MXI1: variants seen among roughly 807,000 people sequenced by gnomAD.
MXI1 encodes the protein max-interacting protein 1.
In MXI1, 18 loss-of-function variants were observed where a neutral mutation model predicts 36.9. The observed-to-expected ratio is 0.49, with a 90% CI of 0.34 to 0.72. MXI1 has a LOEUF of 0.72. Among genes scored for constraint, MXI1 ranks in the 30% least tolerant of loss-of-function variants. The pLI, the probability that MXI1 is intolerant of heterozygous loss-of-function variation, is 0.01. For synonymous variants in MXI1, 160 were observed against 146.7 expected (o/e 1.09, Z -0.65); for missense variants, 304 against 379.1 (o/e 0.80, Z 1.64).
chr10:110,268,657 G>C (rs1856760771), intron 3 of MXI1, among the ~76,000 whole-genome samples: 1 of 151,988 alleles, frequency 6.6e-6, no homozygotes, highest in Non-Finnish European at 1.5e-5. Flanking sequence ...TGCCTTATCA[G>C]AGGAGGGCAT....
intron 3 of MXI1, among the ~76,000 whole-genome samples, chr10:110,245,176 A>C (rs924432764): frequency 2.0e-5 from 3 of 152,136 alleles, no homozygotes; most frequent in African/African-American, 7.2e-5. Context: ...TAGGATTTCT[A>C]AAGAGTAGGT....
chr10:110,253,948 A>C (rs985989286), intron 3 of MXI1, among the ~76,000 whole-genome samples: 1 of 152,084 alleles, frequency 6.6e-6, no homozygotes, highest in African/African-American at 2.4e-5. Flanking sequence ...AAGGTTGTCA[A>C]CTTTCATGAC....
At chr10:110,228,914 T>C (rs888212290) in intron 2 of MXI1, among the ~76,000 whole-genome samples, 7 of 152,198 alleles carry the variant, frequency 4.6e-5, no homozygotes, top group African/African-American at 9.6e-5. Context: ...TTTAAAAATA[T>C]ACTTGTCTAG....
chr10:110,281,006 C>T (rs1170837012), intron 5 of MXI1, among the ~76,000 whole-genome samples: 1 of 152,178 alleles, frequency 6.6e-6, no homozygotes, highest in African/African-American at 2.4e-5. Flanking sequence ...GAAAGGAGCT[C>T]ATGAGCTCTT....
chr10:110,234,309 A>G (rs1294920789), intron 2 of MXI1, among the ~76,000 whole-genome samples: 1 of 152,178 alleles, frequency 6.6e-6, no homozygotes, highest in East Asian at 1.9e-4. Flanking sequence ...AAGAGGCTTG[A>G]TGGTATGCTT....
chr10:110,265,443 G>A (rs1039542433), intron 3 of MXI1, among the ~76,000 whole-genome samples: 7 of 152,108 alleles, frequency 4.6e-5, no homozygotes, highest in African/African-American at 1.7e-4. Context: ...TTATGCTAAT[G>A]TCTCTTAACA....
intron 3 of MXI1, among the ~76,000 whole-genome samples, chr10:110,276,708 A>G (rs1169539911): frequency 1.3e-5 from 2 of 152,152 alleles, no homozygotes; most frequent in Non-Finnish European, 2.9e-5. Flanking sequence ...TAAAGAGAGA[A>G]AAAATTTTAA....
At chr10:110,217,533 C>T (rs1854683887) in intron 1 of MXI1, among the ~76,000 whole-genome samples, 1 of 152,274 alleles carries the variant, frequency 6.6e-6, no homozygotes, top group South Asian at 2.1e-4. Context: ...CTTACCTCCA[C>T]CACAGCCTGA....
At chr10:110,280,874 C>A (rs1225352197) in intron 5 of MXI1, among the ~76,000 whole-genome samples, 1 of 152,048 alleles carries the variant, frequency 6.6e-6, no homozygotes, top group East Asian at 1.9e-4. Context: ...CAGAAGTCAA[C>A]CAAAAAAGAA....
Position 110,208,074 on chromosome 10 carries a change from A to C in MXI1, c.266A>C (p.Glu89Ala). Residue 89 changes from glutamate to alanine, a missense_variant, in exon 1 of 6, where the codon GAA (glutamate) becomes GCA (alanine). This residue lies in a region of MXI1 where 179 missense variants were observed against 184.8 expected (regional missense o/e 0.97). Transcript: ENST00000332674. ...AASYLEQIEKENKKCEHGYAS... is the reference protein window; with the variant it reads ...AASYLEQIEKANKKCEHGYAS... Reference sequence around the variant, plus strand: ...AGCTACCTGGAGCAGATCGAGAAAGAAAACAAAAGTAAGTTTGGGGGCCCC... The same window carrying C: ...AGCTACCTGGAGCAGATCGAGAAAGCAAACAAAAGTAAGTTTGGGGGCCCC... 6.3e-7 allele frequency: 1 copy of C among 1,590,532 alleles called. No homozygotes were observed.
At position 110,287,065 on chromosome 10, in the gene MXI1, C is replaced by T. The variant is rs149653820; in HGVS notation, c.*2078C>T. On this transcript the variant is annotated 3_prime_UTR_variant, in exon 6 of 6. Coordinates refer to ENST00000332674, the MANE Select transcript of MXI1 (RefSeq NM_130439.3). ...GTGCTACCATACAAAGTGAATGAAG[C>T]CAGTGACTAAGCTTCTGTTTGTTTT... is the stretch of plus-strand genomic sequence containing the variant. 2.0e-5 allele frequency: 3 copies of T among 152,170 alleles called. No homozygotes were observed. Among genetic ancestry groups the T allele is most frequent in the African/African-American group, 7.2e-5 (3 of 41,436 alleles). The allele number at this position is 152,170 out of a possible 1,614,324, so 9.4% of individuals were successfully genotyped here. A position where few individuals can be genotyped will look rare whatever the true frequency, so the allele number is the denominator to read the frequency against.
intron 1 of MXI1, among the ~76,000 whole-genome samples, chr10:110,211,777 C>T (rs1351732972): frequency 1.3e-5 from 2 of 152,176 alleles, no homozygotes; most frequent in East Asian, 3.9e-4. Context: ...CTAGGAAAGG[C>T]AGGTACATTC....
intron 2 of MXI1, among the ~76,000 whole-genome samples, chr10:110,232,503 G>C (rs1378211724): frequency 6.6e-6 from 1 of 152,026 alleles, no homozygotes; most frequent in Admixed American, 6.6e-5. Flanking sequence ...CCTTCATAGT[G>C]TTCATCACAT....
chr10:110,208,969 C>T (rs560001341), intron 1 of MXI1, among the ~76,000 whole-genome samples: 2 of 152,312 alleles, frequency 1.3e-5, no homozygotes, highest in Admixed American at 1.3e-4. Flanking sequence ...GCAAGGCAAA[C>T]GCCTTCCTGG....
intron 3 of MXI1, among the ~76,000 whole-genome samples, chr10:110,277,239 G>A (rs946848295): frequency 3.3e-5 from 5 of 152,132 alleles, no homozygotes; most frequent in Admixed American, 6.5e-5. Flanking sequence ...GTATTCTTGC[G>A]GTAATGTGCT....
intron 1 of MXI1, among the ~76,000 whole-genome samples, chr10:110,223,745 A>G (rs1182076170): frequency 6.6e-6 from 1 of 152,080 alleles, no homozygotes; most frequent in Non-Finnish European, 1.5e-5. Context: ...GTCCAGATCC[A>G]AAATGACCTG....
At chr10:110,266,602 T>C (rs1328575093) in intron 3 of MXI1, among the ~76,000 whole-genome samples, 1 of 152,222 alleles carries the variant, frequency 6.6e-6, no homozygotes, top group East Asian at 1.9e-4. Flanking sequence ...TCCTTAGCCC[T>C]CCATAATTTC....
chr10:110,240,105 G>T (rs538659650), intron 2 of MXI1, among the ~76,000 whole-genome samples: 1 of 152,092 alleles, frequency 6.6e-6, no homozygotes, highest in Non-Finnish European at 1.5e-5. Context: ...AATAGTTGTA[G>T]TTAGTTTATT....
At chr10:110,214,167 C>T (rs1854572842) in intron 1 of MXI1, among the ~76,000 whole-genome samples, 1 of 152,196 alleles carries the variant, frequency 6.6e-6, no homozygotes, top group African/African-American at 2.4e-5. Flanking sequence ...ATTTCACAGC[C>T]AAGGAATGAA....
Sources: allele counts gnomAD v4.1 joint callset (sites outside exome capture counted in the v4.1 genomes callset), GRCh38; gene constraint gnomAD v4.1.1; regional missense constraint gnomAD v4.1.1; transcripts MANE v1.5; gene names NCBI Gene and HGNC (gene_info 2026-07-23, HGNC 2026-07-21).